Variants in LRRC32 observed in about 807,000 individuals in gnomAD.
LRRC32 encodes leucine rich repeat containing 32, also known as transforming growth factor beta activator LRRC32.
In LRRC32, 5 loss-of-function variants were observed where a neutral mutation model predicts 15.0. The ratio of observed to expected loss-of-function variants is 0.33; its 90% CI spans 0.17 to 0.70. The LOEUF (loss-of-function observed/expected upper bound fraction) is 0.70. Among genes scored for constraint, LRRC32 ranks in the 30% least tolerant of loss-of-function variants. The probability of loss-of-function intolerance (pLI) is 0.66; values close to 1 mark genes in which losing one functional copy is unlikely to be tolerated. For synonymous variants in LRRC32, 391 were observed against 403.9 expected, an observed-to-expected ratio of 0.97 and a Z score of 0.38; for missense variants, 803 against 854.2, an observed-to-expected ratio of 0.94 and a Z score of 0.75.
intron 2 of LRRC32, among the ~76,000 whole-genome samples, chr11:76,665,344 G>A (rs1410904718): frequency 6.6e-6 from 1 of 152,110 alleles, no homozygotes; most frequent in African/African-American, 2.4e-5. Flanking sequence ...GGCCAGCCTG[G>A]GAGGGGCTGG....
intron 2 of LRRC32, 131 bp from the exon 3 acceptor site, chr11:76,661,639 TTCC>T (rs995098446): frequency 7.1e-7 from 1 of 1,408,496 alleles, no homozygotes; most frequent in African/African-American, 1.4e-5. Flanking sequence ...ATGCTCAACT[TTCC>T]CCCACCGCAG....
At chr11:76,670,390 C>A (rs1952692403) in intron 1 of LRRC32, among the ~76,000 whole-genome samples, 1 of 152,226 alleles carries the variant, frequency 6.6e-6, no homozygotes, top group South Asian at 2.1e-4. Context: ...ATGGGAAGGC[C>A]GGCCTCACCC....
At position 76,660,902 on chromosome 11, in the gene LRRC32, C is replaced by G. The variant is rs139661666; in HGVS notation, c.691G>C (p.Glu231Gln). Residue 231 changes from glutamate (E) to glutamine (Q), a missense_variant, in exon 3 of 3, where the codon GAG (glutamate) becomes CAG (glutamine). Transcript: ENST00000260061. ...RVLDLSCNSI[E>Q]AFQTASQPQA... Reference sequence around the variant, plus strand: ...GGCTGGGAGGCCGTCTGAAAGGCCTCGATGCTGTTGCAGCTCAGGTCTAGC... The same window carrying G: ...GGCTGGGAGGCCGTCTGAAAGGCCTGGATGCTGTTGCAGCTCAGGTCTAGC... The G allele has an allele frequency of 1.0e-3, 1,692 of 1,614,186 alleles. 1 individual carries two copies. The highest frequency in any genetic ancestry group is 1.6e-3 in the Middle Eastern group (10 of 6,062).
chr11:76,666,068 C>T (rs535338762), intron 1 of LRRC32, 110 bp from the exon 2 acceptor site: 94 of 946,226 alleles, frequency 9.9e-5, no homozygotes, highest in African/African-American at 4.5e-4. Flanking sequence ...CCCCAGAGCA[C>T]GGCTGGAGCT....
At position 76,660,920 on chromosome 11, in the gene LRRC32, G is replaced by A. The variant is rs761112852; in HGVS notation, c.673C>T (p.Leu225=). 1 of 1,614,208 alleles carries A rather than the reference G, an allele frequency of 6.2e-7. No individual in the cohort carries two copies. The highest frequency in any genetic ancestry group is 8.5e-7 in the Non-Finnish European group (1 of 1,180,042). Residue 225 remains leucine, a synonymous_variant, in exon 3 of 3, where the codon CTG becomes TTG. Transcript: ENST00000260061. ...AAGGCCTCGATGCTGTTGCAGCTCA[G>A]GTCTAGCACCCGCAGCTGCTGGAGG... ...FSLQQLRVLD[L]SCNSIEAFQT...
Position 76,659,886 on chromosome 11 carries a change from C to T in LRRC32, c.1707G>A (p.Gln569=). 6.2e-7 allele frequency: 1 copy of T among 1,613,938 alleles called. No homozygotes were observed. Among genetic ancestry groups the T allele is most frequent in the Non-Finnish European group, 8.5e-7 (1 of 1,180,000 alleles). ...LETSLRRLYL[Q]GNPLSCCGNG... is the part of the protein sequence containing the mutation. ...TGCCGCAGCAGCTGAGTGGATTCCC[C>T]TGCAGGTAGAGGCGCCGGAGGCTGG... Residue 569 remains glutamine, a synonymous_variant, in exon 3 of 3, where the codon CAG becomes CAA. Coordinates refer to ENST00000260061, the MANE Select transcript of LRRC32 (RefSeq NM_001128922.2).
chr11:76,661,587 A>T, intron 2 of LRRC32, 79 bp from the exon 3 acceptor site: 1 of 1,464,094 alleles, frequency 6.8e-7, no homozygotes, highest in Non-Finnish European at 9.0e-7. Flanking sequence ...TTATCCAGGA[A>T]CCCTGCCTGG....
intron 1 of LRRC32, among the ~76,000 whole-genome samples, chr11:76,668,344 C>A (rs960998244): frequency 1.3e-5 from 2 of 152,130 alleles, no homozygotes; most frequent in African/African-American, 4.8e-5. Flanking sequence ...GACCACAGCA[C>A]CCTGACCTCT....
intron 1 of LRRC32, among the ~76,000 whole-genome samples, chr11:76,667,343 C>T (rs1479914202): frequency 3.3e-5 from 5 of 152,212 alleles, no homozygotes; most frequent in Admixed American, 1.3e-4. Context: ...ATCCACACTC[C>T]CAGGCCTCCC....
intron 2 of LRRC32, among the ~76,000 whole-genome samples, chr11:76,664,673 G>T (rs1952595068): frequency 6.6e-6 from 1 of 152,180 alleles, no homozygotes; most frequent in Admixed American, 6.5e-5. Context: ...TCCCATGCTG[G>T]TTCAGAAAGT....
In LRRC32 at chr11:76,661,051, T is replaced by C. The variant is rs1400116616; in HGVS notation, c.542A>G (p.His181Arg). The C allele has an allele frequency of 2.5e-6, 4 of 1,614,234 alleles. No individual in the cohort carries two copies. The highest frequency in any genetic ancestry group is 3.4e-6 in the Non-Finnish European group (4 of 1,180,034). The change falls in exon 3 of 3, where the codon CAT becomes CGT. Residue 181 changes from histidine (H) to arginine (R), a missense_variant. Coordinates refer to ENST00000260061, the MANE Select transcript of LRRC32 (RefSeq NM_001128922.2). ...CTCGATGTCCATCAGCACGTTGCTA[T>C]GCAGGTCAAGCTGCTCCAGCGCAGG... is the stretch of plus-strand genomic sequence containing the variant. Reference protein sequence around the residue: ...DMPALEQLDLHSNVLMDIEDG... With the variant: ...DMPALEQLDLRSNVLMDIEDG...
rs188055975 is a variant in LRRC32, at chr11:76,663,986, A to C, written c.84+1885T>G. 4.3e-3 allele frequency: 654 copies of C among 152,382 alleles called. 5 individuals are homozygous for C. Among genetic ancestry groups the C allele is most frequent in the Admixed American group, 7.1e-3 (109 of 15,304 alleles). 9.4% of individuals were successfully genotyped at this position (152,382 alleles called of 1,614,324 possible). ...TTCCTTTTCCTATTGGTGCCAGCCA[A>C]GTTCTGACCACTGGGCCCTCAGCTG... On this transcript the variant is annotated intron_variant, in intron 2 of 2. Coordinates refer to ENST00000260061, the MANE Select transcript of LRRC32 (RefSeq NM_001128922.2).
intron 2 of LRRC32, 110 bp downstream of exon 2, chr11:76,665,761 C>T (rs1181459286): frequency 3.9e-6 from 6 of 1,519,238 alleles, no homozygotes; most frequent in Non-Finnish European, 5.4e-6. Flanking sequence ...GGTACATTCC[C>T]TTTCCTCTCC....
chr11:76,664,994 C>T (rs918944247), intron 2 of LRRC32, among the ~76,000 whole-genome samples: 6 of 152,218 alleles, frequency 3.9e-5, no homozygotes, highest in African/African-American at 9.6e-5. Context: ...TAAGCTTCTT[C>T]GAGTCTCAGG....
chr11:76,663,319 G>T (rs1952569780), intron 2 of LRRC32: 1 of 152,256 alleles, frequency 6.6e-6, no homozygotes, highest in Non-Finnish European at 1.5e-5. Context: ...AGCAAGAAGA[G>T]TTCAGCTGAC....
At chr11:76,666,446 G>A (rs1306685430) in intron 1 of LRRC32, among the ~76,000 whole-genome samples, 1 of 152,070 alleles carries the variant, frequency 6.6e-6, no homozygotes, top group Non-Finnish European at 1.5e-5. Context: ...CTCGTTTTCT[G>A]CCCACTCCCC....
chr11:76,665,844 T>C, intron 2 of LRRC32, 27 bp downstream of exon 2: 3 of 1,613,770 alleles, frequency 1.9e-6, no homozygotes, highest in Non-Finnish European at 2.5e-6. Flanking sequence ...GGGGTGGTCC[T>C]CACCCTGTCT....
rs1952499762 is a variant in LRRC32, at chr11:76,660,494, G to A, written c.1099C>T (p.Leu367Phe). 1.2e-6 allele frequency: 2 copies of A among 1,614,114 alleles called. No individual in the cohort carries two copies. Among genetic ancestry groups the A allele is most frequent in the Non-Finnish European group, 1.7e-6 (2 of 1,180,018 alleles). Reference protein sequence around the residue: ...RRLGSLPCLMLLDLSHNALET... With the variant: ...RRLGSLPCLMFLDLSHNALET... ...AGGGCATTGTGGCTTAAGTCAAGGA[G>A]CATCAGGCAGGGCAGGGAGCCTAAG... Residue 367 changes from leucine to phenylalanine, a missense_variant, in exon 3 of 3, where the codon CTC becomes TTC. Physicochemically the swap from Leu to Phe is conservative, Grantham distance 22 (BLOSUM62 0). Coordinates refer to ENST00000260061, the MANE Select transcript of LRRC32 (RefSeq NM_001128922.2).
intron 2 of LRRC32, chr11:76,663,494 G>T: frequency 6.6e-6 from 1 of 152,380 alleles, no homozygotes. Flanking sequence ...GTAGGGGGAG[G>T]AAGAGACCTG....
Sources: gnomAD v4.1 joint callset for allele counts (sites outside exome capture counted in the v4.1 genomes callset) on GRCh38, gnomAD v4.1.1 for gene constraint, MANE v1.5 for transcripts, NCBI Gene and HGNC (gene_info 2026-07-23, HGNC 2026-07-21) for gene names.